The following MTUS2 variants were observed in gnomAD, a reference collection of about 807,000 sequenced individuals.
The protein encoded by MTUS2 is microtubule-associated tumor suppressor candidate 2.
In MTUS2, 40 loss-of-function variants were observed where a neutral mutation model predicts 114.1. That is an observed-to-expected ratio of 0.35 (90% CI 0.27 to 0.46). The LOEUF is 0.46. Among genes scored for constraint, MTUS2 ranks in the 20% least tolerant of loss-of-function variants. The pLI, the probability that MTUS2 is intolerant of heterozygous loss-of-function variation, is 1.00. For synonymous variants in MTUS2, 688 were observed against 672.0 expected (o/e 1.02, Z -0.37); for missense variants, 1,679 against 1,705.4 (o/e 0.98, Z 0.27).
chr13:29,194,326 A>C (rs1259918013), intron 5 of MTUS2, among the ~76,000 whole-genome samples: 10 of 152,000 alleles, frequency 6.6e-5, no homozygotes, highest in Non-Finnish European at 1.3e-4. Flanking sequence ...AATGGGAGAA[A>C]ATTTTCGCAA....
rs1453417133 is a variant in MTUS2, at chr13:29,026,476, G to T, written c.1778G>T (p.Cys593Phe). 3.7e-6 allele frequency: 6 copies of T among 1,613,854 alleles called. No individual in the cohort carries two copies. The African/African-American group carries it at 6.7e-5, about 18-fold the overall frequency. ...TSPKVPDKNT[C>F]PSGIPKPVFT... ...CCCAAAGTGCCTGACAAGAACACTT[G>T]CCCCAGTGGGATCCCCAAGCCTGTC... is the stretch of plus-strand genomic sequence containing the variant. The change falls in exon 3 of 16, where the codon TGC (cysteine) becomes TTC (phenylalanine). Residue 593 changes from cysteine (C) to phenylalanine (F), a missense_variant. Cys to Phe is a radical substitution (Grantham distance 205, BLOSUM62 -2). Coordinates refer to ENST00000612955, the MANE Select transcript of MTUS2 (RefSeq NM_001033602.4).
chr13:29,196,447 AC>A (rs1894705753), intron 5 of MTUS2, among the ~76,000 whole-genome samples: 1 of 149,272 alleles, frequency 6.7e-6, no homozygotes, highest in African/African-American at 2.5e-5. Flanking sequence ...TTTTTTTTTG[AC>A]TGTGGGAAAA....
intron 2 of MTUS2, among the ~76,000 whole-genome samples, chr13:28,922,936 A>G (rs907048250): frequency 4.6e-5 from 7 of 152,228 alleles, no homozygotes; most frequent in Non-Finnish European, 1.0e-4. Context: ...ATACTCTTTT[A>G]GCCCACTTTC....
intron 5 of MTUS2, among the ~76,000 whole-genome samples, chr13:29,146,998 A>G (rs544495066): frequency 7.2e-5 from 11 of 152,332 alleles, no homozygotes; most frequent in African/African-American, 2.6e-4. Flanking sequence ...ACTAAGGACT[A>G]GTGAGTAACA....
chr13:29,359,478 G>A lies in MTUS2; in HGVS notation c.3117+5G>A, dbSNP rs760834389. 1.2e-6 allele frequency: 2 copies of A among 1,606,454 alleles called. No individual in the cohort carries two copies. Among genetic ancestry groups the A allele is most frequent in the Admixed American group, 3.4e-5 (2 of 59,174 alleles). On this transcript the variant is annotated splice_donor_5th_base_variant and intron_variant, in intron 8 of 15. Transcript: ENST00000612955. ...ACGCAGCATTTCTTTAGAAAGGTGAGGCCCCATTTCGTGAAGGTCCAAGGG... is the reference window on the plus strand; with the variant it reads ...ACGCAGCATTTCTTTAGAAAGGTGAAGCCCCATTTCGTGAAGGTCCAAGGG...
chr13:29,250,845 C>T lies in MTUS2; in HGVS notation c.2645-30859C>T, dbSNP rs890559855. Among the ~76,000 whole-genome samples, 6 of 152,006 alleles carry T rather than the reference C, an allele frequency of 3.9e-5. No homozygotes were observed. The East Asian group carries it at 9.6e-4, about 24-fold the overall frequency. ...TTACCCGTAAATTTCAATTTAACACCAACCCGCAAAAAACAATAATCTTCA... is the reference window on the plus strand; with the variant it reads ...TTACCCGTAAATTTCAATTTAACACTAACCCGCAAAAAACAATAATCTTCA... On this transcript the variant is annotated intron_variant, in intron 5 of 15. Transcript: ENST00000612955.
intron 2 of MTUS2, among the ~76,000 whole-genome samples, chr13:28,905,434 T>C (rs1307688642): frequency 6.6e-6 from 1 of 151,704 alleles, no homozygotes; most frequent in Non-Finnish European, 1.5e-5. Context: ...ATCCCATCAA[T>C]ACCTCATTTA....
In MTUS2 at chr13:29,361,923, C is replaced by T. The variant is rs950662281; in HGVS notation, c.3117+2450C>T. 3.3e-5 allele frequency among the ~76,000 whole-genome samples: 5 copies of T among 152,310 alleles called. No homozygotes were observed. The South Asian group carries it at 8.3e-4, about 25-fold the overall frequency. On this transcript the variant is annotated intron_variant, in intron 8 of 15. Coordinates refer to ENST00000612955, the MANE Select transcript of MTUS2 (RefSeq NM_001033602.4). The stretch of plus-strand genomic sequence containing the variant: ...ACAGCATGCTCTGGTGGAGAGAGGA[C>T]GCAGTGCTAACCCAGAGTCAGTTCC...
chr13:29,253,324 G>C (rs896635902), intron 5 of MTUS2, among the ~76,000 whole-genome samples: 2 of 151,952 alleles, frequency 1.3e-5, no homozygotes, highest in African/African-American at 4.8e-5. Flanking sequence ...TACTCGGGAG[G>C]CTGAGACAGG....
intron 4 of MTUS2, among the ~76,000 whole-genome samples, chr13:29,038,443 C>T (rs1297910080): frequency 4.6e-5 from 7 of 152,188 alleles, no homozygotes; most frequent in African/African-American, 1.7e-4. Context: ...CCTCCAGATA[C>T]CAGCCGGAGC....
rs1401276094 is a variant in MTUS2 at position 28,935,021 on chromosome 13, T to TG, written c.-242-89436_-242-89435insG. Reference sequence around the variant, plus strand: ...TCTCCATAGCGTTTTTTTTTTTTTTTTTTTTTTTTTTTGCCCATGCTTCTT... The same window carrying TG: ...TCTCCATAGCGTTTTTTTTTTTTTTTGTTTTTTTTTTTTGCCCATGCTTCTT... On this transcript the variant is annotated intron_variant, in intron 2 of 15. Transcript: ENST00000612955. 4.9e-3 allele frequency among the ~76,000 whole-genome samples: 726 copies of TG among 146,726 alleles called. 14 individuals are homozygous for TG. Among genetic ancestry groups the TG allele is most frequent in the African/African-American group, 0.017 (675 of 38,768 alleles).
intron 8 of MTUS2, among the ~76,000 whole-genome samples, chr13:29,412,946 T>C (rs1875373141): frequency 6.6e-6 from 1 of 152,196 alleles, no homozygotes; most frequent in Non-Finnish European, 1.5e-5. Flanking sequence ...ATTCCTGGAC[T>C]CATGGCCCAG....
At chr13:29,237,988 G>A (rs1402387801) in intron 5 of MTUS2, among the ~76,000 whole-genome samples, 1 of 152,176 alleles carries the variant, frequency 6.6e-6, no homozygotes, top group East Asian at 1.9e-4. Context: ...AATTAGTTCA[G>A]CCATTATGGA....
intron 6 of MTUS2, among the ~76,000 whole-genome samples, chr13:29,302,722 G>A (rs765158593): frequency 5.3e-5 from 8 of 152,240 alleles, no homozygotes; most frequent in Non-Finnish European, 1.0e-4. Flanking sequence ...AGCTATGCCA[G>A]CCTGCTGACT....
intron 4 of MTUS2, among the ~76,000 whole-genome samples, chr13:29,081,921 TGGCCGGAG>T: frequency 6.6e-6 from 1 of 152,296 alleles, no homozygotes; most frequent in South Asian, 2.1e-4. Flanking sequence ...AATCAACTTT[TGGCCGGAG>T]TATCCAGTGT....
At chr13:29,307,361 T>A (rs946990623) in intron 6 of MTUS2, 1 of 762,376 alleles carries the variant, frequency 1.3e-6, no homozygotes. Flanking sequence ...TCCAGGAGAC[T>A]GTGGTGTGAT....
intron 8 of MTUS2, 62 bp downstream of exon 8, chr13:29,359,535 G>A: frequency 6.5e-7 from 1 of 1,528,086 alleles, no homozygotes; most frequent in Non-Finnish European, 8.9e-7. Flanking sequence ...TGGTGATGGT[G>A]ACGGTTGTTT....
At chr13:29,261,977 C>T (rs530146659) in intron 5 of MTUS2, among the ~76,000 whole-genome samples, 3 of 152,304 alleles carry the variant, frequency 2.0e-5, no homozygotes, top group Non-Finnish European at 4.4e-5. Flanking sequence ...AAGTAACTAA[C>T]CTCCGTCAGT....
chr13:29,253,079 C>CTT (rs34996681), intron 5 of MTUS2, among the ~76,000 whole-genome samples: 6,252 of 145,060 alleles, frequency 0.043, 320 homozygotes, highest in East Asian at 0.25. Flanking sequence ...CATTTTTGGC[C>CTT]TTTTTTTTTT....
Sources: gnomAD v4.1 joint callset for allele counts (sites outside exome capture counted in the v4.1 genomes callset) on GRCh38, gnomAD v4.1.1 for gene constraint, MANE v1.5 for transcripts, NCBI Gene and HGNC (gene_info 2026-07-23, HGNC 2026-07-21) for gene names.